TENM1: variants seen among roughly 807,000 people sequenced by gnomAD.
TENM1 encodes the protein teneurin-1.
A neutral mutation model predicts 174.8 loss-of-function variants in TENM1; 35 were observed. That is an observed-to-expected ratio of 0.20 (90% CI 0.15 to 0.27). TENM1 has a LOEUF of 0.27. Ranked by LOEUF, TENM1 falls within the 10% of genes least tolerant of loss-of-function variation. The pLI, the probability that TENM1 is intolerant of heterozygous loss-of-function variation, is 1.00. For synonymous variants in TENM1, 781 were observed against 798.7 expected, an observed-to-expected ratio of 0.98 and a Z score of 0.37; for missense variants, 1,633 against 2,130.1, an observed-to-expected ratio of 0.77 and a Z score of 4.59.
intron 4 of TENM1, among the ~76,000 whole-genome samples, chrX:124,710,335 G>A (rs981921910): frequency 1.8e-5 from 2 of 111,944 alleles, no homozygotes; most frequent in African/African-American, 6.5e-5. Context: ...AAACCCAGCA[G>A]AATGAGGTTC....
the TENM1 span, among the ~76,000 whole-genome samples, chrX:125,024,980 T>A: frequency 3.4e-4 from 38 of 111,475 alleles, no homozygotes; most frequent in Admixed American, 1.1e-3. Flanking sequence ...CACTGTTACT[T>A]GAACAAGCTA....
chrX:124,978,932 C>T, the TENM1 span, among the ~76,000 whole-genome samples: 11 of 112,257 alleles, frequency 9.8e-5, no homozygotes, highest in Admixed American at 6.6e-4. Flanking sequence ...CAGAAACATG[C>T]TTTTCCCAGT....
intron 4 of TENM1, among the ~76,000 whole-genome samples, chrX:124,726,958 T>C (rs2053455112): frequency 1.8e-5 from 2 of 112,257 alleles, no homozygotes. Context: ...ATTGGTCATA[T>C]AAGTTTCATT....
intron 1 of TENM1, among the ~76,000 whole-genome samples, chrX:124,958,682 TC>T (rs1442050738): frequency 1.8e-5 from 2 of 111,218 alleles, no homozygotes; most frequent in Admixed American, 9.6e-5. Context: ...CTCTCACCTC[TC>T]CTTTAGCTGT....
intron 11 of TENM1, among the ~76,000 whole-genome samples, chrX:124,584,051 A>G (rs1219625524): frequency 1.6e-4 from 18 of 110,315 alleles, no homozygotes; most frequent in African/African-American, 5.6e-4. Context: ...GACCAAATCT[A>G]CGTCTGATTG....
intron 11 of TENM1, among the ~76,000 whole-genome samples, chrX:124,588,726 T>C (rs1459871578): frequency 9.0e-6 from 1 of 111,384 alleles, no homozygotes; most frequent in Non-Finnish European, 1.9e-5. Context: ...AGAAATGCTA[T>C]TTATTTTTGT....
intron 3 of TENM1, among the ~76,000 whole-genome samples, chrX:124,838,199 C>A (rs2056429906): frequency 8.9e-6 from 1 of 112,021 alleles, no homozygotes; most frequent in Non-Finnish European, 1.9e-5. Context: ...TCAGTATGAT[C>A]CCAAATAAAT....
At chrX:124,685,561 G>GTTTTTTTTTTTTTT (rs201481902) in intron 5 of TENM1, among the ~76,000 whole-genome samples, 57 of 94,449 alleles carry the variant, frequency 6.0e-4, no homozygotes, top group African/African-American at 1.0e-3. Context: ...AAGCAAATCT[G>GTTTTTTTTTTTTTT]TTTTTTTTTT....
intron 4 of TENM1, among the ~76,000 whole-genome samples, chrX:124,709,324 A>C (rs1300121588): frequency 1.8e-5 from 2 of 111,553 alleles, no homozygotes; most frequent in Non-Finnish European, 3.8e-5. Context: ...GTCTGGCTGC[A>C]GAGCCACTGC....
At chrX:125,168,602 G>A in the TENM1 span, among the ~76,000 whole-genome samples, 7 of 111,215 alleles carry the variant, frequency 6.3e-5, no homozygotes, top group African/African-American at 2.3e-4. Flanking sequence ...ATCATCCTGG[G>A]TGGGCCTGGC....
At chrX:125,202,883 T>G in the TENM1 span, among the ~76,000 whole-genome samples, 1 of 111,623 alleles carries the variant, frequency 9.0e-6, no homozygotes, top group Admixed American at 9.4e-5. Context: ...TGTTATGGAG[T>G]GGAAGAAAGT....
intron 3 of TENM1, among the ~76,000 whole-genome samples, chrX:124,814,719 G>A (rs1188353886): frequency 1.8e-5 from 2 of 111,135 alleles, no homozygotes; most frequent in African/African-American, 6.6e-5. Flanking sequence ...CCACTTTCCT[G>A]GTTAGACCTT....
chrX:124,634,453 G>T (rs1032105668), intron 11 of TENM1, among the ~76,000 whole-genome samples: 1 of 111,472 alleles, frequency 9.0e-6, no homozygotes, highest in Non-Finnish European at 1.9e-5. Context: ...GTCTACTGAA[G>T]ATGCTAAATT....
chrX:124,649,748 T>C (rs922117024), intron 8 of TENM1, among the ~76,000 whole-genome samples: 5 of 112,387 alleles, frequency 4.4e-5, no homozygotes, highest in African/African-American at 9.7e-5. Context: ...TCCTTGTTAG[T>C]AGCAGACCAA....
At chrX:125,116,429 C>G in the TENM1 span, among the ~76,000 whole-genome samples, 1 of 111,895 alleles carries the variant, frequency 8.9e-6, no homozygotes, top group South Asian at 3.7e-4. Flanking sequence ...GCAAAAGAAA[C>G]TATCATCAGA....
intron 3 of TENM1, among the ~76,000 whole-genome samples, chrX:124,844,894 A>G (rs1161890970): frequency 1.8e-5 from 2 of 111,046 alleles, no homozygotes; most frequent in Non-Finnish European, 3.8e-5. Flanking sequence ...TGGACCACCT[A>G]CATCAGAATC....
In TENM1 at chrX:124,602,905, A is replaced by G. The variant is rs190027412; in HGVS notation, c.2078-37345T>C. Among the ~76,000 whole-genome samples the G allele has an allele frequency of 2.8e-3, 311 of 111,599 alleles. 1 individual carries two copies. The highest frequency in any genetic ancestry group is 9.6e-3 in the African/African-American group (295 of 30,787). On this transcript the variant is annotated intron_variant, in intron 11 of 31. Coordinates refer to ENST00000422452, the Ensembl canonical transcript of TENM1. ...CCTTATTTTGAAAAAGGGTTTTTGC[A>G]AATGTAATTAAATTAAGAATCTTAA... is the stretch of plus-strand genomic sequence containing the variant.
intron 24 of TENM1, among the ~76,000 whole-genome samples, chrX:124,421,720 G>C (rs1183278457): frequency 9.1e-6 from 1 of 109,843 alleles, no homozygotes; most frequent in African/African-American, 3.3e-5. Flanking sequence ...CCAATGTCCT[G>C]AGAACTCTCC....
At chrX:125,033,190 C>T in the TENM1 span, among the ~76,000 whole-genome samples, 3 of 111,534 alleles carry the variant, frequency 2.7e-5, no homozygotes, top group African/African-American at 9.8e-5. Context: ...AGACATGGCT[C>T]ACAGTCTCAA....
Sources: allele counts gnomAD v4.1 joint callset (sites outside exome capture counted in the v4.1 genomes callset), GRCh38; gene constraint gnomAD v4.1.1; transcripts MANE v1.5; gene names NCBI Gene and HGNC (gene_info 2026-07-23, HGNC 2026-07-21).